Variants in IL1RAPL1 observed in about 807,000 individuals in gnomAD.
IL1RAPL1 encodes interleukin 1 receptor accessory protein like 1.
Under a neutral mutation model 48.4 loss-of-function variants are expected in IL1RAPL1, and 3 were observed. The ratio of observed to expected loss-of-function variants is 0.06; its 90% CI spans 0.03 to 0.16. IL1RAPL1 has a LOEUF of 0.16. Ranked by LOEUF, IL1RAPL1 falls within the 10% of genes least tolerant of loss-of-function variation. The pLI is 1.00. For missense variants in IL1RAPL1, 349 were observed against 530.6 expected (o/e 0.66, Z 3.36); for synonymous variants, 185 against 187.7 (o/e 0.99, Z 0.12).
intron 6 of IL1RAPL1, among the ~76,000 whole-genome samples, chrX:29,725,092 C>G (rs1200922807): frequency 5.4e-5 from 6 of 110,280 alleles, no homozygotes; most frequent in Non-Finnish European, 1.1e-4. Context: ...CAGTTCGTTC[C>G]TATGATATAA....
chrX:28,983,942 T>A (rs1012630426), intron 2 of IL1RAPL1, among the ~76,000 whole-genome samples: 1 of 112,009 alleles, frequency 8.9e-6, no homozygotes, highest in African/African-American at 3.2e-5. Context: ...TATGTCATGA[T>A]TGTCAATATT....
intron 2 of IL1RAPL1, among the ~76,000 whole-genome samples, chrX:29,091,928 A>G (rs1386161960): frequency 1.8e-5 from 2 of 111,664 alleles, no homozygotes; most frequent in Admixed American, 1.9e-4. Flanking sequence ...TGATTTTCTT[A>G]AAGATGGTCA....
chrX:29,499,094 A>G (rs910876130), intron 5 of IL1RAPL1, among the ~76,000 whole-genome samples: 4 of 112,348 alleles, frequency 3.6e-5, no homozygotes, highest in African/African-American at 1.3e-4. Flanking sequence ...GGTCTCAACA[A>G]TATCATGCTT....
At chrX:28,616,417 T>C (rs1424297219) in intron 1 of IL1RAPL1, among the ~76,000 whole-genome samples, 1 of 111,402 alleles carries the variant, frequency 9.0e-6, no homozygotes, top group Non-Finnish European at 1.9e-5. Flanking sequence ...TTTCTATTTG[T>C]AGAAAAGGCA....
chrX:29,765,138 G>T (rs941805594), intron 6 of IL1RAPL1, among the ~76,000 whole-genome samples: 4 of 111,865 alleles, frequency 3.6e-5, no homozygotes, highest in Non-Finnish European at 7.5e-5. Flanking sequence ...ACAGTCAGGT[G>T]AAAGAAGAGT....
intron 1 of IL1RAPL1, among the ~76,000 whole-genome samples, chrX:28,671,806 C>T (rs185090182): frequency 1.5e-4 from 17 of 111,723 alleles, no homozygotes; most frequent in African/African-American, 5.5e-4. Context: ...CCAGTAGGTC[C>T]GCACTGGTAT....
chrX:29,526,282 T>TA (rs1020243181), intron 5 of IL1RAPL1, among the ~76,000 whole-genome samples: 2 of 111,574 alleles, frequency 1.8e-5, no homozygotes, highest in Admixed American at 1.9e-4. Flanking sequence ...CACCACATTA[T>TA]AAAAATCATT....
chrX:29,202,480 A>G (rs1930575261), intron 2 of IL1RAPL1, among the ~76,000 whole-genome samples: 2 of 112,327 alleles, frequency 1.8e-5, no homozygotes, highest in African/African-American at 6.5e-5. Flanking sequence ...AAGCAGAATT[A>G]TCATTTACCT....
At chrX:29,177,354 C>T (rs779716931) in intron 2 of IL1RAPL1, among the ~76,000 whole-genome samples, 31 of 111,648 alleles carry the variant, frequency 2.8e-4, no homozygotes, top group Non-Finnish European at 4.9e-4. Context: ...TATTTTTTCT[C>T]ACTGTAGTTA....
intron 2 of IL1RAPL1, among the ~76,000 whole-genome samples, chrX:29,070,928 G>A (rs1927552996): frequency 9.0e-6 from 1 of 110,879 alleles, no homozygotes; most frequent in African/African-American, 3.3e-5. Context: ...ACAAAAAACA[G>A]GGTCCTAGAA....
At chrX:29,740,131 A>G (rs1928163204) in intron 6 of IL1RAPL1, among the ~76,000 whole-genome samples, 1 of 107,631 alleles carries the variant, frequency 9.3e-6, no homozygotes, top group Non-Finnish European at 1.9e-5. Flanking sequence ...AGAAAAAAAA[A>G]AAAAAAAAAA....
At chrX:28,791,155 A>G (rs1269403502) in intron 2 of IL1RAPL1, among the ~76,000 whole-genome samples, 1 of 110,772 alleles carries the variant, frequency 9.0e-6, no homozygotes. Context: ...TTATTCAAAT[A>G]GAAATGTTAC....
intron 5 of IL1RAPL1, among the ~76,000 whole-genome samples, chrX:29,606,101 A>G (rs776141839): frequency 4.5e-5 from 5 of 112,046 alleles, no homozygotes; most frequent in East Asian, 2.8e-4. Context: ...TTAATTTTCT[A>G]TGATGTCTGT....
At chrX:29,648,460 AAAACTAGGAAT>A (rs1349238173) in intron 5 of IL1RAPL1, among the ~76,000 whole-genome samples, 1 of 112,071 alleles carries the variant, frequency 8.9e-6, no homozygotes, top group African/African-American at 3.2e-5. Flanking sequence ...ATGATGGTAT[AAAACTAGGAAT>A]AAATAACAGG....
chrX:29,080,877 G>A (rs1927788064), intron 2 of IL1RAPL1, among the ~76,000 whole-genome samples: 3 of 105,389 alleles, frequency 2.8e-5, no homozygotes, highest in Non-Finnish European at 5.8e-5. Context: ...GTAGTGGCTG[G>A]GACTACAGGA....
intron 3 of IL1RAPL1, among the ~76,000 whole-genome samples, chrX:29,310,006 A>G (rs1932687247): frequency 9.9e-6 from 1 of 100,645 alleles, no homozygotes; most frequent in African/African-American, 3.6e-5. Context: ...AGGCAGGAGA[A>G]TGGCGTGAAA....
chrX:29,748,646 CA>C lies in IL1RAPL1; in HGVS notation c.778+80146del, dbSNP rs758524047. Reference sequence around the variant, plus strand: ...CATTTTAACTCGGGAAATATGGGTCCAAAACCTAGGTTTTTGGCCCCCAGGC... The same window carrying C: ...CATTTTAACTCGGGAAATATGGGTCCAAACCTAGGTTTTTGGCCCCCAGGC... On this transcript the variant is annotated intron_variant, in intron 6 of 10. Coordinates refer to ENST00000378993, the MANE Select transcript of IL1RAPL1 (RefSeq NM_014271.4). Among the ~76,000 whole-genome samples, 228 of 113,004 alleles carry C rather than the reference CA, an allele frequency of 2.0e-3. 1 individual carries two copies. The highest frequency in any genetic ancestry group is 9.2e-3 in the Middle Eastern group (2 of 218).
At chrX:28,764,707 A>G (rs931776517) in intron 1 of IL1RAPL1, among the ~76,000 whole-genome samples, 2 of 111,571 alleles carry the variant, frequency 1.8e-5, no homozygotes, top group African/African-American at 3.3e-5. Flanking sequence ...ATGATCAGTG[A>G]TCATTTATTA....
intron 2 of IL1RAPL1, among the ~76,000 whole-genome samples, chrX:28,881,244 CAG>C (rs1444393386): frequency 8.9e-6 from 1 of 111,918 alleles, no homozygotes; most frequent in Non-Finnish European, 1.9e-5. Context: ...TGTTTTCAGC[CAG>C]TAAGTTATTT....
Sources: gnomAD v4.1 joint callset for allele counts (sites outside exome capture counted in the v4.1 genomes callset) on GRCh38, gnomAD v4.1.1 for gene constraint, MANE v1.5 for transcripts, NCBI Gene and HGNC (gene_info 2026-07-23, HGNC 2026-07-21) for gene names.